The following ADGRE1 variants were observed in gnomAD, a reference collection of about 807,000 sequenced individuals.
ADGRE1 encodes adhesion G protein-coupled receptor E1.
ADGRE1 carries 82 observed loss-of-function variants against 102.7 expected under a neutral mutation model. The ratio of observed to expected loss-of-function variants is 0.80; its 90% CI spans 0.67 to 0.96. The LOEUF is 0.96. Among genes scored for constraint, ADGRE1 ranks in the 40% least tolerant of loss-of-function variants. The probability of loss-of-function intolerance (pLI) is 0.00; values close to 1 mark genes in which losing one functional copy is unlikely to be tolerated. For missense variants in ADGRE1, 1,032 were observed against 1,085.3 expected, an observed-to-expected ratio of 0.95 and a Z score of 0.69; for synonymous variants, 398 against 399.6, an observed-to-expected ratio of 1.00 and a Z score of 0.05.
intron 5 of ADGRE1, among the ~76,000 whole-genome samples, chr19:6,899,644 C>A (rs1327088643): frequency 1.3e-5 from 2 of 151,404 alleles, no homozygotes; most frequent in Non-Finnish European, 2.9e-5. Context: ...TGTGCCATTG[C>A]ACTCCAGCCT....
At chr19:6,917,219 T>C (rs920246023) in intron 12 of ADGRE1, among the ~76,000 whole-genome samples, 2 of 152,324 alleles carry the variant, frequency 1.3e-5, no homozygotes, top group South Asian at 4.1e-4. Context: ...CCTGATCTGA[T>C]CTATGCATAC....
At chr19:6,937,170 A>G in intron 18 of ADGRE1, 73 bp from the exon 19 acceptor site, 1 of 1,531,284 alleles carries the variant, frequency 6.5e-7, no homozygotes, top group Non-Finnish European at 8.9e-7. Flanking sequence ...ACCTCAGACC[A>G]TTCCTGGAAG....
intron 17 of ADGRE1, among the ~76,000 whole-genome samples, chr19:6,929,684 G>A (rs770690667): frequency 1.3e-5 from 2 of 151,696 alleles, no homozygotes; most frequent in Non-Finnish European, 2.9e-5. Flanking sequence ...CACCACACCC[G>A]GCAATTTTGT....
Position 6,940,295 on chromosome 19 carries a change from T to C in ADGRE1, c.*266T>C. On this transcript the variant is annotated 3_prime_UTR_variant, in exon 21 of 21. Transcript: ENST00000312053. ...CAGAGTTTCTGAGAACAGACCCAAA[T>C]TCAATGGCATGACCAAGAACACCTG... The C allele has an allele frequency of 1.8e-6, 1 of 557,878 alleles. No homozygotes were observed. The highest frequency in any genetic ancestry group is 3.2e-6 in the Non-Finnish European group (1 of 312,902). 34.6% of individuals were successfully genotyped at this position (557,878 alleles called of 1,614,324 possible).
At chr19:6,921,144 G>C (rs1388120021) in intron 13 of ADGRE1, among the ~76,000 whole-genome samples, 1 of 152,164 alleles carries the variant, frequency 6.6e-6, no homozygotes, top group East Asian at 1.9e-4. Context: ...AAATTAGCTG[G>C]ATATGGTGAC....
At position 6,913,711 on chromosome 19, in the gene ADGRE1, C is replaced by G. The variant is rs777691957; in HGVS notation, c.1181C>G (p.Thr394Ser). Residue 394 changes from threonine (T) to serine (S), a missense_variant, in exon 11 of 21, where the codon ACC (threonine) becomes AGC (serine). Physicochemically the swap from Thr to Ser is moderately conservative, Grantham distance 58 (BLOSUM62 1). Coordinates refer to ENST00000312053, the MANE Select transcript of ADGRE1 (RefSeq NM_001974.5). ...CAAATATCCACGTGGACTAAATTCA[C>G]CAAGGAAGAGACGTCCTCCCTGGCC... Reference protein sequence around the residue: ...LKQISTWTKFTKEETSSLATV... With the variant: ...LKQISTWTKFSKEETSSLATV... 2.5e-6 allele frequency: 4 copies of G among 1,612,936 alleles called. No individual in the cohort carries two copies. The highest frequency in any genetic ancestry group is 2.5e-6 in the Non-Finnish European group (3 of 1,179,380).
chr19:6,912,149 T>TAGACATACACAG (rs1248270796), intron 10 of ADGRE1, among the ~76,000 whole-genome samples: 1 of 151,614 alleles, frequency 6.6e-6, no homozygotes, highest in Admixed American at 6.6e-5. Context: ...TAGGCATACA[T>TAGACATACACAG]AGACATACAC....
rs761082783 is a variant in ADGRE1 at position 6,890,590 on chromosome 19, TTTTC to T, written c.94+49_94+52del. The T allele has an allele frequency of 3.2e-6, 5 of 1,585,600 alleles. No individual in the cohort carries two copies. The African/African-American group carries it at 6.8e-5, about 22-fold the overall frequency. The stretch of plus-strand genomic sequence containing the variant: ...CAGATGCCTGAAGGGGTAGAGAAAG[TTTTC>T]TCCCCGGGGAAACATCCCAGGAAGC... On this transcript the variant is annotated intron_variant, in intron 2 of 20. Coordinates refer to ENST00000312053, the MANE Select transcript of ADGRE1 (RefSeq NM_001974.5).
intron 8 of ADGRE1, among the ~76,000 whole-genome samples, chr19:6,905,359 T>TG (rs1973915290): frequency 8.6e-6 from 1 of 115,986 alleles, no homozygotes; most frequent in African/African-American, 4.8e-5. Context: ...TGTTTTTTTT[T>TG]CTTTTTTTTT....
intron 11 of ADGRE1, among the ~76,000 whole-genome samples, chr19:6,915,443 C>T (rs1974337705): frequency 6.6e-6 from 1 of 152,066 alleles, no homozygotes; most frequent in Non-Finnish European, 1.5e-5. Flanking sequence ...TTAGGTCCTG[C>T]AATGCTTGTC....
chr19:6,906,602 A>G (rs1413549169), intron 9 of ADGRE1, 81 bp downstream of exon 9: 2 of 1,302,242 alleles, frequency 1.5e-6, no homozygotes, highest in Admixed American at 4.0e-5. Flanking sequence ...CAGTTCTAAC[A>G]AAGGCAAAAG....
In ADGRE1 at chr19:6,919,492, A is replaced by G. The variant is rs1271696477; in HGVS notation, c.1421-56A>G. The G allele has an allele frequency of 9.2e-6, 12 of 1,303,092 alleles. No individual in the cohort carries two copies. The Admixed American group carries it at 2.0e-4, about 22-fold the overall frequency. The allele number at this position is 1,303,092 out of a possible 1,614,324, so 80.7% of individuals were successfully genotyped here. On this transcript the variant is annotated intron_variant, in intron 12 of 20. Transcript: ENST00000312053. ...TGTGTGTGTGTGTGTTGGGTCTTCT[A>G]TAATAACAATTGAGCAAACGATTCC... is the stretch of plus-strand genomic sequence containing the variant.
intron 15 of ADGRE1, 146 bp from the exon 16 acceptor site, chr19:6,926,220 C>T (rs1599759149): frequency 2.4e-6 from 2 of 850,040 alleles, no homozygotes; most frequent in Non-Finnish European, 3.6e-6. Flanking sequence ...TGGTCAAGAA[C>T]CACTGCACCT....
At position 6,913,817 on chromosome 19, in the gene ADGRE1, G is replaced by A. The variant is rs778706907; in HGVS notation, c.1287G>A (p.Arg429=). Residue 429 remains arginine, a synonymous_variant, in exon 11 of 21, where the codon CGG becomes CGA. Transcript: ENST00000312053. ...KPSANITPAV[R]TEYLDIESKV... ...CAGCAAATATCACTCCGGCTGTTCG[G>A]ACGGAATACTTAGGTAGGAGACACC... 1.2e-5 allele frequency: 19 copies of A among 1,597,098 alleles called. No homozygotes were observed. In the African/African-American group the frequency reaches 2.3e-4, roughly 19 times the overall value.
In ADGRE1 at chr19:6,921,841, G is replaced by A. The variant is rs774843764; in HGVS notation, c.1749G>A (p.Gln583=). 6.2e-7 allele frequency: 1 copy of A among 1,614,098 alleles called. No homozygotes were observed. Among genetic ancestry groups the A allele is most frequent in the Admixed American group, 1.7e-5 (1 of 59,996 alleles). The change falls in exon 14 of 21, where the codon CAG becomes CAA. Residue 583 remains glutamine (Q), a synonymous_variant. Coordinates refer to ENST00000312053, the MANE Select transcript of ADGRE1 (RefSeq NM_001974.5). ...SETYTICSCN[Q]MANLAVIMAS... ...CATATACCATCTGCAGCTGTAATCAGATGGCAAATCTTGCCGTTATCATGG... is the reference window on the plus strand; with the variant it reads ...CATATACCATCTGCAGCTGTAATCAAATGGCAAATCTTGCCGTTATCATGG...
At chr19:6,924,523 T>C (rs1035248610) in intron 14 of ADGRE1, among the ~76,000 whole-genome samples, 155 bp from the exon 15 acceptor site, 5 of 152,124 alleles carry the variant, frequency 3.3e-5, no homozygotes, top group African/African-American at 1.2e-4. Flanking sequence ...TTGCAAAGGA[T>C]AATGAAGGAC....
chr19:6,904,662 C>G (rs370189635), intron 8 of ADGRE1, among the ~76,000 whole-genome samples: 2 of 151,916 alleles, frequency 1.3e-5, no homozygotes, highest in Non-Finnish European at 2.9e-5. Flanking sequence ...CCCGCCACCA[C>G]GCCTGGCTAA....
At chr19:6,901,148 A>G (rs1054968869) in intron 5 of ADGRE1, among the ~76,000 whole-genome samples, 10 of 152,194 alleles carry the variant, frequency 6.6e-5, no homozygotes, top group African/African-American at 2.4e-4. Flanking sequence ...TGGTGCACAC[A>G]TCACTTCTAT....
chr19:6,898,266 A>G, intron 5 of ADGRE1: 2 of 1,565,786 alleles, frequency 1.3e-6, no homozygotes, highest in Non-Finnish European at 1.8e-6. Flanking sequence ...ACAGTCTTCT[A>G]TCTAGTATAA....
Sources: allele counts gnomAD v4.1 joint callset (sites outside exome capture counted in the v4.1 genomes callset), GRCh38; gene constraint gnomAD v4.1.1; transcripts MANE v1.5; gene names NCBI Gene and HGNC (gene_info 2026-07-23, HGNC 2026-07-21).